The following HS3ST4 variants were observed in gnomAD, a reference collection of about 807,000 sequenced individuals.
The protein encoded by HS3ST4 is heparan sulfate glucosamine 3-O-sulfotransferase 4.
A neutral mutation model predicts 29.2 loss-of-function variants in HS3ST4; 17 were observed. That is an observed-to-expected ratio of 0.58 (90% CI 0.40 to 0.87). HS3ST4 has a LOEUF of 0.87. HS3ST4 is among the 40% of genes least tolerant of loss of function. The pLI is 0.00. For missense variants in HS3ST4, 627 were observed against 634.5 expected (o/e 0.99, Z 0.13); for synonymous variants, 314 against 285.7 (o/e 1.10, Z -1.00).
At chr16:25,751,585 T>C (rs1966720346) in intron 1 of HS3ST4, among the ~76,000 whole-genome samples, 1 of 152,184 alleles carries the variant, frequency 6.6e-6, no homozygotes, top group Non-Finnish European at 1.5e-5. Flanking sequence ...GAGTTTGAAA[T>C]GTCATCATGT....
intron 1 of HS3ST4, among the ~76,000 whole-genome samples, chr16:26,066,020 A>C (rs532303191): frequency 6.6e-6 from 1 of 152,342 alleles, no homozygotes; most frequent in Admixed American, 6.5e-5. Flanking sequence ...TATGTTACTC[A>C]AAAGAGGTGG....
intron 1 of HS3ST4, among the ~76,000 whole-genome samples, chr16:26,023,961 A>G (rs2141748652): frequency 6.6e-6 from 1 of 152,276 alleles, no homozygotes; most frequent in Admixed American, 6.5e-5. Context: ...GCGGTGGCTC[A>G]CGCCTGTAAT....
At chr16:26,084,271 C>T (rs906514914) in intron 1 of HS3ST4, among the ~76,000 whole-genome samples, 16 of 152,176 alleles carry the variant, frequency 1.1e-4, no homozygotes, top group Non-Finnish European at 2.2e-4. Flanking sequence ...TTAATCCCTC[C>T]CTGATGTTTC....
chr16:25,698,727 A>G (rs971268274), intron 1 of HS3ST4, among the ~76,000 whole-genome samples: 3 of 152,182 alleles, frequency 2.0e-5, no homozygotes, highest in African/African-American at 7.2e-5. Context: ...AGCTGTCATA[A>G]TATTGTCCAA....
At chr16:26,123,672 A>G (rs1899305171) in intron 1 of HS3ST4, among the ~76,000 whole-genome samples, 1 of 152,058 alleles carries the variant, frequency 6.6e-6, no homozygotes, top group Non-Finnish European at 1.5e-5. Flanking sequence ...TCCCCTGTCC[A>G]AGCCTTCCCC....
intron 1 of HS3ST4, among the ~76,000 whole-genome samples, chr16:26,042,161 A>G (rs1444711566): frequency 6.6e-6 from 1 of 152,184 alleles, no homozygotes; most frequent in African/African-American, 2.4e-5. Flanking sequence ...TCCTGCCTCC[A>G]GCGTTCTGAA....
intron 1 of HS3ST4, among the ~76,000 whole-genome samples, chr16:25,938,120 C>G (rs1405903815): frequency 6.6e-6 from 1 of 152,168 alleles, no homozygotes; most frequent in Non-Finnish European, 1.5e-5. Flanking sequence ...CTGACCCAAA[C>G]AACTGTATCC....
At chr16:25,883,145 ATTTTTTTTTTTTT>A (rs10581302) in intron 1 of HS3ST4, among the ~76,000 whole-genome samples, 2 of 142,062 alleles carry the variant, frequency 1.4e-5, no homozygotes, top group African/African-American at 5.2e-5. Flanking sequence ...GGCCCATACG[ATTTTTTTTTTTTT>A]TTTTTTTTTC....
At chr16:25,693,211 C>A in intron 1 of HS3ST4, 60 bp downstream of exon 1, 1 of 1,467,152 alleles carries the variant, frequency 6.8e-7, no homozygotes. Flanking sequence ...GAGGGGAAGC[C>A]GCGGCTTTCC....
intron 1 of HS3ST4, among the ~76,000 whole-genome samples, chr16:26,003,892 C>G (rs1054015296): frequency 6.6e-6 from 1 of 152,118 alleles, no homozygotes; most frequent in Admixed American, 6.5e-5. Context: ...TGCCTGGTGC[C>G]TCCAAGTCCT....
At chr16:25,977,110 T>C (rs1968952494) in intron 1 of HS3ST4, among the ~76,000 whole-genome samples, 1 of 152,218 alleles carries the variant, frequency 6.6e-6, no homozygotes, top group Admixed American at 6.5e-5. Flanking sequence ...TGGCACAGAC[T>C]AAGTGCTTAG....
At chr16:25,767,932 T>G (rs1966831575) in intron 1 of HS3ST4, among the ~76,000 whole-genome samples, 1 of 152,216 alleles carries the variant, frequency 6.6e-6, no homozygotes, top group Non-Finnish European at 1.5e-5. Flanking sequence ...CCTGGCACTG[T>G]GCCACCCCTA....
At chr16:25,992,148 A>G (rs764181492) in intron 1 of HS3ST4, among the ~76,000 whole-genome samples, 1 of 152,220 alleles carries the variant, frequency 6.6e-6, no homozygotes, top group Non-Finnish European at 1.5e-5. Context: ...CCCTGTCCTC[A>G]TGGAGTTTGT....
intron 1 of HS3ST4, among the ~76,000 whole-genome samples, chr16:26,063,405 G>T (rs1898503836): frequency 6.6e-6 from 1 of 151,952 alleles, no homozygotes; most frequent in Non-Finnish European, 1.5e-5. Context: ...GAGAAAATGA[G>T]TCTGGGCATG....
chr16:25,980,529 G>T (rs1253553542), intron 1 of HS3ST4, among the ~76,000 whole-genome samples: 1 of 152,108 alleles, frequency 6.6e-6, no homozygotes, highest in Non-Finnish European at 1.5e-5. Flanking sequence ...CATATGCTTG[G>T]CATGGTCACC....
chr16:25,732,759 A>G (rs1037063309), intron 1 of HS3ST4, among the ~76,000 whole-genome samples: 27 of 152,218 alleles, frequency 1.8e-4, no homozygotes, highest in African/African-American at 6.5e-4. Flanking sequence ...AGCATGGATT[A>G]TCGGAAGCCC....
chr16:26,132,514 A>C (rs565647092), intron 1 of HS3ST4, among the ~76,000 whole-genome samples: 1 of 152,314 alleles, frequency 6.6e-6, no homozygotes, highest in South Asian at 2.1e-4. Flanking sequence ...TGCAACAAGC[A>C]GTAAGTTAGG....
intron 1 of HS3ST4, among the ~76,000 whole-genome samples, chr16:25,833,111 GA>G (rs932872985): frequency 3.4e-4 from 51 of 150,648 alleles, no homozygotes; most frequent in African/African-American, 6.8e-4. Flanking sequence ...ATTTCCCCTG[GA>G]AAAAAAAATA....
At chr16:26,116,755 A>C (rs1395752783) in intron 1 of HS3ST4, among the ~76,000 whole-genome samples, 2 of 152,170 alleles carry the variant, frequency 1.3e-5, no homozygotes, top group African/African-American at 2.4e-5. Flanking sequence ...TCATCCATCT[A>C]CTTATTCATG....
Sources: gnomAD v4.1 joint callset for allele counts (sites outside exome capture counted in the v4.1 genomes callset) on GRCh38, gnomAD v4.1.1 for gene constraint, MANE v1.5 for transcripts, NCBI Gene and HGNC (gene_info 2026-07-23, HGNC 2026-07-21) for gene names.